The following GALNTL6 variants were observed in gnomAD, a reference collection of about 807,000 sequenced individuals.
The protein encoded by GALNTL6 is polypeptide N-acetylgalactosaminyltransferase like 6.
GALNTL6 carries 46 observed loss-of-function variants against 73.7 expected under a neutral mutation model. The observed-to-expected ratio is 0.62, with a 90% CI of 0.49 to 0.80. GALNTL6 has a LOEUF of 0.80. Among genes scored for constraint, GALNTL6 ranks in the 30% least tolerant of loss-of-function variants. GALNTL6 has a pLI of 0.00. For missense variants in GALNTL6, 604 were observed against 755.0 expected, an observed-to-expected ratio of 0.80 and a Z score of 2.34; for synonymous variants, 259 against 263.7, an observed-to-expected ratio of 0.98 and a Z score of 0.17.
intron 8 of GALNTL6, among the ~76,000 whole-genome samples, chr4:172,910,855 C>T (rs1747160335): frequency 6.6e-6 from 1 of 152,218 alleles, no homozygotes; most frequent in African/African-American, 2.4e-5. Context: ...TTGAGTCTCT[C>T]TCATCCAGCC....
chr4:172,903,975 C>A (rs1046198023), intron 8 of GALNTL6, among the ~76,000 whole-genome samples: 8 of 152,116 alleles, frequency 5.3e-5, no homozygotes, highest in Non-Finnish European at 1.2e-4. Context: ...AGTTTTTTAA[C>A]CCTTAGATCC....
At chr4:172,678,414 C>T (rs535504389) in intron 5 of GALNTL6, among the ~76,000 whole-genome samples, 2 of 151,530 alleles carry the variant, frequency 1.3e-5, no homozygotes, top group South Asian at 2.1e-4. Context: ...GGCACGATCT[C>T]GGCTCACCGC....
At chr4:172,177,869 G>GTGTGTATATATACACACA (rs1735098415) in intron 2 of GALNTL6, among the ~76,000 whole-genome samples, 1 of 81,260 alleles carries the variant, frequency 1.2e-5, no homozygotes, top group African/African-American at 3.2e-5. Context: ...ACATACTAAG[G>GTGTGTATATATACACACA]CATGCTAATC....
chr4:172,430,827 G>A (rs569301639), intron 5 of GALNTL6, among the ~76,000 whole-genome samples: 270 of 151,978 alleles, frequency 1.8e-3, no homozygotes, highest in African/African-American at 6.2e-3. Flanking sequence ...CACAACAACA[G>A]TAGCAATAAA....
At chr4:172,932,795 A>ATG (rs1748420237) in intron 9 of GALNTL6, among the ~76,000 whole-genome samples, 1 of 152,170 alleles carries the variant, frequency 6.6e-6, no homozygotes, top group African/African-American at 2.4e-5. Context: ...GTTAGTACTT[A>ATG]TGTGTGGAAT....
intron 2 of GALNTL6, among the ~76,000 whole-genome samples, chr4:171,981,469 C>T (rs765411076): frequency 6.6e-6 from 1 of 152,096 alleles, no homozygotes; most frequent in Non-Finnish European, 1.5e-5. Flanking sequence ...GATCTTGAGG[C>T]CCACAAGGAA....
chr4:172,672,751 G>A (rs969058722), intron 5 of GALNTL6, among the ~76,000 whole-genome samples: 13 of 152,106 alleles, frequency 8.5e-5, no homozygotes, highest in African/African-American at 3.1e-4. Flanking sequence ...TTCAGCCTTG[G>A]GAGGGTGTAT....
chr4:172,590,760 G>T (rs1340462023), intron 5 of GALNTL6, among the ~76,000 whole-genome samples: 2 of 152,082 alleles, frequency 1.3e-5, no homozygotes, highest in East Asian at 3.9e-4. Context: ...TGCAAATGAA[G>T]AGCTACAAGA....
rs550102466 is a variant in GALNTL6, at chr4:171,949,154, G to A, written c.138+134436G>A. Reference sequence around the variant, plus strand: ...TTGAGTTTTTTATTCTGATGGCCTTGGGGAAAGCAGGAGAGAGTGCACAGA... The same window carrying A: ...TTGAGTTTTTTATTCTGATGGCCTTAGGGAAAGCAGGAGAGAGTGCACAGA... On this transcript the variant is annotated intron_variant, in intron 2 of 12. Coordinates refer to ENST00000506823, the MANE Select transcript of GALNTL6 (RefSeq NM_001034845.3). Among the ~76,000 whole-genome samples the A allele has an allele frequency of 4.3e-4, 65 of 152,256 alleles. 2 individuals carry two copies. In the South Asian group the frequency reaches 7.3e-3, roughly 17 times the overall value.
At chr4:172,616,532 CTTTTTTTTT>C (rs56070364) in intron 5 of GALNTL6, among the ~76,000 whole-genome samples, 1 of 117,398 alleles carries the variant, frequency 8.5e-6, no homozygotes, top group East Asian at 2.4e-4. Context: ...AATCCATACT[CTTTTTTTTT>C]TTTTTTTTGC....
intron 8 of GALNTL6, among the ~76,000 whole-genome samples, chr4:172,926,784 C>T (rs1275925107): frequency 6.6e-6 from 1 of 152,192 alleles, no homozygotes; most frequent in Admixed American, 6.5e-5. Flanking sequence ...CCTCCCATTT[C>T]CCACCCTAAC....
intron 2 of GALNTL6, among the ~76,000 whole-genome samples, chr4:172,136,939 A>G (rs933559119): frequency 1.3e-5 from 2 of 152,052 alleles, no homozygotes; most frequent in African/African-American, 4.8e-5. Context: ...AAGCCTGCTT[A>G]TTCTTACCTT....
intron 2 of GALNTL6, among the ~76,000 whole-genome samples, chr4:172,190,412 A>G (rs912988136): frequency 1.3e-5 from 2 of 152,214 alleles, no homozygotes; most frequent in Non-Finnish European, 2.9e-5. Flanking sequence ...AATGTGCATT[A>G]CAAGGGAGAG....
intron 3 of GALNTL6, among the ~76,000 whole-genome samples, chr4:172,283,437 T>C (rs1234273680): frequency 6.6e-6 from 1 of 152,184 alleles, no homozygotes; most frequent in African/African-American, 2.4e-5. Flanking sequence ...AGTTAATTAT[T>C]ACAGTGACTT....
chr4:172,011,669 G>GTATC (rs1741011867), intron 2 of GALNTL6, among the ~76,000 whole-genome samples: 1 of 151,860 alleles, frequency 6.6e-6, no homozygotes, highest in Admixed American at 6.6e-5. Context: ...TAAACCTCTA[G>GTATC]TTACAGAATC....
intron 4 of GALNTL6, 147 bp from the exon 5 acceptor site, chr4:172,348,376 A>G (rs1741826731): frequency 3.6e-6 from 2 of 558,652 alleles, no homozygotes; most frequent in Non-Finnish European, 6.2e-6. Context: ...GGAGCAGGAT[A>G]ACAATCATGC....
chr4:171,878,171 A>G (rs1032300839), intron 2 of GALNTL6, among the ~76,000 whole-genome samples: 7 of 152,212 alleles, frequency 4.6e-5, no homozygotes, highest in African/African-American at 1.7e-4. Context: ...AAGATATGTC[A>G]TATCTGGATA....
chr4:172,788,671 C>CAAAAAAAAA, intron 5 of GALNTL6, among the ~76,000 whole-genome samples: 1 of 78,358 alleles, frequency 1.3e-5, no homozygotes, highest in East Asian at 3.6e-4. Flanking sequence ...GACTCCGTCT[C>CAAAAAAAAA]AAAAAAAAAA....
At chr4:171,871,430 G>A (rs562070171) in intron 2 of GALNTL6, among the ~76,000 whole-genome samples, 1 of 151,986 alleles carries the variant, frequency 6.6e-6, no homozygotes, top group Non-Finnish European at 1.5e-5. Context: ...GTGGATAAGG[G>A]GGGACTGTTA....
Sources: allele counts gnomAD v4.1 joint callset (sites outside exome capture counted in the v4.1 genomes callset), GRCh38; gene constraint gnomAD v4.1.1; transcripts MANE v1.5; gene names NCBI Gene and HGNC (gene_info 2026-07-23, HGNC 2026-07-21).